The following BRAF variants were observed in gnomAD, a reference collection of about 807,000 sequenced individuals.
The protein encoded by BRAF is B-Raf proto-oncogene, serine/threonine kinase.
In BRAF, 16 loss-of-function variants were observed where a neutral mutation model predicts 104.6. The observed-to-expected ratio is 0.15, with a 90% CI of 0.10 to 0.23. BRAF has a LOEUF of 0.23. BRAF is among the 10% of genes least tolerant of loss of function. BRAF has a pLI of 1.00. For missense variants in BRAF, 541 were observed against 937.3 expected (o/e 0.58, Z 5.52); for synonymous variants, 310 against 341.6 (o/e 0.91, Z 1.02).
At chr7:140,824,712 T>A (rs1041546829) in intron 3 of BRAF, among the ~76,000 whole-genome samples, 3 of 152,010 alleles carry the variant, frequency 2.0e-5, no homozygotes, top group African/African-American at 7.2e-5. Context: ...CTGCCAAATT[T>A]TATTCCAAAG....
intron 14 of BRAF, chr7:140,773,377 G>GT (rs1800028254): frequency 6.6e-6 from 1 of 152,114 alleles, no homozygotes; most frequent in Non-Finnish European, 1.5e-5. Context: ...TCTTGAGCTG[G>GT]TAAAATTCAC....
chr7:140,731,438 C>T (rs1287459614), intron 19 of BRAF: 1 of 152,134 alleles, frequency 6.6e-6, no homozygotes, highest in East Asian at 1.9e-4. Context: ...TACAGAAATG[C>T]TCAACAATTT....
intron 14 of BRAF, among the ~76,000 whole-genome samples, chr7:140,760,849 A>C (rs1015879224): frequency 3.9e-5 from 6 of 152,162 alleles, no homozygotes; most frequent in African/African-American, 1.4e-4. Context: ...AAAAAGAATA[A>C]AAAGAAACGA....
At chr7:140,751,294 T>C (rs998333451) in intron 16 of BRAF, among the ~76,000 whole-genome samples, 4 of 124,000 alleles carry the variant, frequency 3.2e-5, no homozygotes, top group South Asian at 3.1e-4. Context: ...CTCTCCCACA[T>C]AGTCAAAAAT....
chr7:140,841,442 T>A (rs958122303), intron 2 of BRAF, among the ~76,000 whole-genome samples: 3 of 152,210 alleles, frequency 2.0e-5, no homozygotes, highest in African/African-American at 7.2e-5. Flanking sequence ...TGCACGTGAA[T>A]GTTCATGGTG....
At chr7:140,849,946 C>T (rs536342504) in intron 2 of BRAF, among the ~76,000 whole-genome samples, 165 bp downstream of exon 2, 4 of 152,204 alleles carry the variant, frequency 2.6e-5, no homozygotes, top group South Asian at 4.1e-4. Flanking sequence ...TAACAAGTGA[C>T]ACAAAACAAG....
chr7:140,829,199 T>TGG (rs36014891), intron 3 of BRAF, among the ~76,000 whole-genome samples: 213 of 146,064 alleles, frequency 1.5e-3, no homozygotes, highest in East Asian at 6.5e-3. Context: ...TTTTTTTTTG[T>TGG]GGGGGGGGGC....
At chr7:140,873,984 CAAG>C (rs1233019331) in intron 1 of BRAF, among the ~76,000 whole-genome samples, 3 of 151,908 alleles carry the variant, frequency 2.0e-5, no homozygotes, top group African/African-American at 4.8e-5. Context: ...AAAATAAAAA[CAAG>C]GAGGGGAAAA....
chr7:140,905,916 G>A (rs1020227828), intron 1 of BRAF, among the ~76,000 whole-genome samples: 15 of 149,918 alleles, frequency 1.0e-4, no homozygotes, highest in East Asian at 7.9e-4. Flanking sequence ...GTGAAACCCC[G>A]TCTCTACTAA....
At chr7:140,759,621 A>G (rs1211514234) in intron 14 of BRAF, among the ~76,000 whole-genome samples, 1 of 152,222 alleles carries the variant, frequency 6.6e-6, no homozygotes, top group African/African-American at 2.4e-5. Context: ...CCCGACCTCA[A>G]GTGATCCATC....
In BRAF at chr7:140,834,642, A is replaced by T. The variant is rs748370093; in HGVS notation, c.471T>A (p.Val157=). The T allele has an allele frequency of 6.2e-7, 1 of 1,614,180 alleles. No individual in the cohort carries two copies. Among genetic ancestry groups the T allele is most frequent in the Non-Finnish European group, 8.5e-7 (1 of 1,180,024 alleles). ...TCTGTTTGTTGGGCAGGAAGACTCTAACGATAGGTTTTTGTGGTGACTTGG... is the reference window on the plus strand; with the variant it reads ...TCTGTTTGTTGGGCAGGAAGACTCTTACGATAGGTTTTTGTGGTGACTTGG... The part of the protein sequence containing the change: ...SNPKSPQKPI[V]RVFLPNKQRT... Residue 157 remains valine (V), a synonymous_variant, in exon 3 of 20, where the codon GTT becomes GTA. Transcript: ENST00000644969.
At chr7:140,774,075 C>T (rs181310778) in intron 14 of BRAF, among the ~76,000 whole-genome samples, 283 of 152,266 alleles carry the variant, frequency 1.9e-3, no homozygotes, top group Non-Finnish European at 3.2e-3. Flanking sequence ...TACATTTAAC[C>T]AGTTGTATGT....
intron 1 of BRAF, among the ~76,000 whole-genome samples, chr7:140,893,148 T>C (rs913327859): frequency 6.6e-6 from 1 of 151,790 alleles, no homozygotes; most frequent in Admixed American, 6.6e-5. Context: ...ATTCCCAGGG[T>C]AGAGAACACA....
intron 8 of BRAF, among the ~76,000 whole-genome samples, chr7:140,788,545 A>G (rs1801625359): frequency 6.6e-6 from 1 of 152,178 alleles, no homozygotes; most frequent in African/African-American, 2.4e-5. Flanking sequence ...ATAAGGGCAC[A>G]CTAGAAGAGG....
chr7:140,815,295 G>A (rs890431517), intron 3 of BRAF, among the ~76,000 whole-genome samples: 9 of 151,630 alleles, frequency 5.9e-5, no homozygotes, highest in African/African-American at 1.7e-4. Flanking sequence ...CTGCCACCAC[G>A]CCTGGCTAAT....
intron 1 of BRAF, among the ~76,000 whole-genome samples, chr7:140,853,050 C>T (rs1809354546): frequency 6.6e-6 from 1 of 152,092 alleles, no homozygotes; most frequent in Non-Finnish European, 1.5e-5. Flanking sequence ...AGTTTATTAA[C>T]AAGAGTTTCT....
chr7:140,818,128 T>C (rs6970891), intron 3 of BRAF, among the ~76,000 whole-genome samples: 10,193 of 151,992 alleles, frequency 0.067, 1,075 homozygotes, highest in African/African-American at 0.23. Flanking sequence ...ATAGTGACTG[T>C]CTTTTTGGGG....
At chr7:140,899,447 A>T (rs1815350953) in intron 1 of BRAF, among the ~76,000 whole-genome samples, 1 of 152,024 alleles carries the variant, frequency 6.6e-6, no homozygotes, top group Non-Finnish European at 1.5e-5. Flanking sequence ...TTTTCCCCCC[A>T]ATTTACATTC....
chr7:140,726,208 A>G lies in BRAF; in HGVS notation c.*286T>C, dbSNP rs970738962. ...TTTCTTTCCATCATGCCTGACCATC[A>G]AAAGGTCAGAATTCAGGGTCTCTCC... On this transcript the variant is annotated 3_prime_UTR_variant, in exon 20 of 20. Transcript: ENST00000644969. 10 of 1,246,684 alleles carry G rather than the reference A, an allele frequency of 8.0e-6. No homozygotes were observed. Among genetic ancestry groups the G allele is most frequent in the Non-Finnish European group, 1.0e-5 (10 of 994,616 alleles). 77.2% of individuals were successfully genotyped at this position (1,246,684 alleles called of 1,614,324 possible).
Sources: allele counts gnomAD v4.1 joint callset (sites outside exome capture counted in the v4.1 genomes callset), GRCh38; gene constraint gnomAD v4.1.1; transcripts MANE v1.5; gene names NCBI Gene and HGNC (gene_info 2026-07-23, HGNC 2026-07-21).